BTNL8: variants seen among roughly 807,000 people sequenced by gnomAD.
BTNL8 encodes butyrophilin like 8, also known as butyrophilin-like protein 8.
BTNL8 carries 22 observed loss-of-function variants against 36.1 expected under a neutral mutation model. The ratio of observed to expected loss-of-function variants is 0.61; its 90% CI spans 0.44 to 0.87. The LOEUF is 0.87. Among genes scored for constraint, BTNL8 ranks in the 40% least tolerant of loss-of-function variants. The pLI is 0.00. For synonymous variants in BTNL8, 203 were observed against 235.6 expected (o/e 0.86, Z 1.27); for missense variants, 526 against 616.9 (o/e 0.85, Z 1.56).
Position 180,947,566 on chromosome 5 carries a change from T to C in BTNL8, c.728T>C (p.Leu243Pro). The change falls in exon 4 of 8, where the codon CTC becomes CCC. Residue 243 changes from leucine (L) to proline (P), a missense_variant. By Grantham distance (98) the Leu-to-Pro change is moderately conservative. Transcript: ENST00000340184. ...CTGGCTACCAAAGTACTGGGAATAC[T>C]CTGCTGTGGCCTATTTTTTGGCATT... is the stretch of plus-strand genomic sequence containing the variant. The part of the protein sequence containing the change: ...WHLATKVLGI[L>P]CCGLFFGIVG... 1 of 1,614,126 alleles carries C rather than the reference T, an allele frequency of 6.2e-7. No homozygotes were observed. The highest frequency in any genetic ancestry group is 8.5e-7 in the Non-Finnish European group (1 of 1,179,936).
chr5:180,902,690 A>T (rs1756885756), intron 1 of BTNL8, among the ~76,000 whole-genome samples: 1 of 101,280 alleles, frequency 9.9e-6, no homozygotes, highest in African/African-American at 3.4e-5. Flanking sequence ...CCTACCCCAC[A>T]ACGTCCCCAG....
chr5:180,908,784 G>T lies in BTNL8; in HGVS notation c.248G>T (p.Gly83Val), dbSNP rs573486977. Residue 83 changes from glycine to valine, a missense_variant, in exon 2 of 8, where the codon GGC becomes GTC. This residue lies in a region of BTNL8 where 350 missense variants were observed against 324.6 expected (regional missense o/e 1.08). Coordinates refer to ENST00000340184, the MANE Select transcript of BTNL8 (RefSeq NM_001040462.3). ...TTTATGCAGATGCCACAGTATCAAG[G>T]CAGGACAAAACTGGTGAAGGATTCT... is the stretch of plus-strand genomic sequence containing the variant. Reference protein sequence around the residue: ...QPFMQMPQYQGRTKLVKDSIA... With the variant: ...QPFMQMPQYQVRTKLVKDSIA... The T allele has an allele frequency of 6.2e-7, 1 of 1,614,174 alleles. No homozygotes were observed. Among genetic ancestry groups the T allele is most frequent in the African/African-American group, 1.3e-5 (1 of 75,032 alleles).
chr5:180,925,959 G>C (rs1758076420), intron 3 of BTNL8, among the ~76,000 whole-genome samples: 1 of 152,138 alleles, frequency 6.6e-6, no homozygotes, highest in South Asian at 2.1e-4. Flanking sequence ...GAATAAAATA[G>C]CCTGTTAAAA....
At position 180,935,499 on chromosome 5, in the gene BTNL8, C is replaced by T. The variant is rs6888439; in HGVS notation, c.674-12013C>T. Among the ~76,000 whole-genome samples, 68,331 of 152,074 alleles carry T rather than the reference C, an allele frequency of 0.45. 16,457 individuals are homozygous for T. The highest frequency in any genetic ancestry group is 0.63 in the African/African-American group (26,063 of 41,496). ...ATACCTGGCTGGGCACAACAGTGCC[C>T]GGACTCGGCTACAACTTTGCTTTGC... is the stretch of plus-strand genomic sequence containing the variant. On this transcript the variant is annotated intron_variant, in intron 3 of 7. Coordinates refer to ENST00000340184, the MANE Select transcript of BTNL8 (RefSeq NM_001040462.3). This position sits in a 1 kb window ranked among gnomAD's most constrained non-coding sequence, Gnocchi z 4.8.
chr5:180,917,665 C>T (rs187648301), intron 3 of BTNL8, among the ~76,000 whole-genome samples: 1 of 152,210 alleles, frequency 6.6e-6, no homozygotes, highest in Admixed American at 6.5e-5. Context: ...TCAAAATCCT[C>T]CCAACAAAGA....
At chr5:180,938,945 C>T (rs1404999051) in intron 3 of BTNL8, among the ~76,000 whole-genome samples, 1 of 151,904 alleles carries the variant, frequency 6.6e-6, no homozygotes, top group African/African-American at 2.4e-5. Context: ...ATCAGTCTTA[C>T]AAGAAATGCT....
chr5:180,919,379 A>C (rs768563481), intron 3 of BTNL8, among the ~76,000 whole-genome samples: 1 of 152,154 alleles, frequency 6.6e-6, no homozygotes, highest in Non-Finnish European at 1.5e-5. Context: ...TCTTGAGAAG[A>C]GGGGGTCCAT....
intron 1 of BTNL8, among the ~76,000 whole-genome samples, chr5:180,900,570 T>A (rs1756782724): frequency 6.6e-6 from 1 of 152,190 alleles, no homozygotes; most frequent in Non-Finnish European, 1.5e-5. Context: ...CTGAAAAATG[T>A]TTCCTTGCCT....
At chr5:180,916,783 C>T (rs945113467) in intron 3 of BTNL8, among the ~76,000 whole-genome samples, 5 of 152,186 alleles carry the variant, frequency 3.3e-5, no homozygotes, top group African/African-American at 4.8e-5. Context: ...TTTTTCATGT[C>T]TCAAATGGAA....
At position 180,930,045 on chromosome 5, in the gene BTNL8, A is replaced by T. The variant is rs187504362; in HGVS notation, c.674-17467A>T. Among the ~76,000 whole-genome samples, 380 of 152,342 alleles carry T rather than the reference A, an allele frequency of 2.5e-3. 2 individuals carry two copies. Among genetic ancestry groups the T allele is most frequent in the African/African-American group, 8.9e-3 (368 of 41,574 alleles). On this transcript the variant is annotated intron_variant, in intron 3 of 7. Coordinates refer to ENST00000340184, the MANE Select transcript of BTNL8 (RefSeq NM_001040462.3). Reference sequence around the variant, plus strand: ...AATTTCAGGCCAATATTCCTGATAAACATCAATGTGAAAATCCTCAATAAA... The same window carrying T: ...AATTTCAGGCCAATATTCCTGATAATCATCAATGTGAAAATCCTCAATAAA...
chr5:180,908,549 G>C (rs373591695), intron 1 of BTNL8, 37 bp from the exon 2 acceptor site: 14 of 1,600,644 alleles, frequency 8.7e-6, no homozygotes, highest in African/African-American at 4.0e-5. Flanking sequence ...CACTACAAAG[G>C]GTTTTGATGA....
At chr5:180,937,919 T>G (rs1271853652) in intron 3 of BTNL8, among the ~76,000 whole-genome samples, 1 of 127,716 alleles carries the variant, frequency 7.8e-6, no homozygotes, top group African/African-American at 3.0e-5. Context: ...ATGAAATACT[T>G]TTTAAAAGCC....
Position 180,950,592 on chromosome 5 carries a change from C to G in BTNL8, c.*48C>G, listed in dbSNP as rs1251970371. The G allele has an allele frequency of 6.9e-7, 1 of 1,439,796 alleles. No homozygotes were observed. Among genetic ancestry groups the G allele is most frequent in the Non-Finnish European group, 9.5e-7 (1 of 1,048,242 alleles). The allele number at this position is 1,439,796 out of a possible 1,614,324, so 89.2% of individuals were successfully genotyped here. ...TCTTTAGGGATATTAAGGTCTCTCT[C>G]CCAGATCCAAAGTCCCGCAGCAGCC... On this transcript the variant is annotated 3_prime_UTR_variant, in exon 8 of 8. Coordinates refer to ENST00000340184, the MANE Select transcript of BTNL8 (RefSeq NM_001040462.3).
intron 2 of BTNL8, 102 bp from the exon 3 acceptor site, chr5:180,911,235 AAG>A (rs893068298): frequency 1.3e-6 from 2 of 1,515,764 alleles, no homozygotes; most frequent in Non-Finnish European, 1.8e-6. Context: ...TTGTGTGTGT[AAG>A]AGAGAGAATG....
At chr5:180,907,661 C>T (rs9686655) in intron 1 of BTNL8, among the ~76,000 whole-genome samples, 56,804 of 149,290 alleles carry the variant, frequency 0.38, 12,193 homozygotes, top group African/African-American at 0.6. Context: ...GTTTTGTCTA[C>T]TTTTGGTCTT....
intron 1 of BTNL8, among the ~76,000 whole-genome samples, chr5:180,900,445 G>A (rs181468058): frequency 8.6e-4 from 131 of 152,308 alleles, no homozygotes; most frequent in Middle Eastern, 3.4e-3. Flanking sequence ...GCATGTTGCA[G>A]CAACAGTCTT....
intron 3 of BTNL8, among the ~76,000 whole-genome samples, chr5:180,939,619 G>T (rs978084959): frequency 1.3e-5 from 2 of 152,076 alleles, no homozygotes; most frequent in Non-Finnish European, 2.9e-5. Flanking sequence ...GTAATGTCTA[G>T]CTGAACTGTC....
At chr5:180,908,523 C>T in intron 1 of BTNL8, 63 bp from the exon 2 acceptor site, 1 of 1,530,862 alleles carries the variant, frequency 6.5e-7, no homozygotes, top group South Asian at 1.2e-5. Context: ...ATTCGGCCAT[C>T]TTGGCTCCTC....
In BTNL8 at chr5:180,908,914, C is replaced by T; in HGVS notation, c.378C>T (p.Ile126=). 4 of 1,613,202 alleles carry T rather than the reference C, an allele frequency of 2.5e-6. No homozygotes were observed. The highest frequency in any genetic ancestry group is 1.3e-5 in the African/African-American group (1 of 75,030). ...ISSQSYYQKA[I]WELQVSALGS... is the part of the protein sequence containing the mutation. The stretch of plus-strand genomic sequence containing the variant: ...CCCAGTCTTACTACCAGAAGGCCAT[C>T]TGGGAGCTACAGGTGTCAGGTCAGT... The change falls in exon 2 of 8, where the codon ATC becomes ATT. Residue 126 remains isoleucine, a synonymous_variant. Transcript: ENST00000340184.
Sources: allele counts gnomAD v4.1 joint callset (sites outside exome capture counted in the v4.1 genomes callset), GRCh38; gene constraint gnomAD v4.1.1; regional missense constraint gnomAD v4.1.1; non-coding constraint Gnocchi (gnomAD v3.1); transcripts MANE v1.5; gene names NCBI Gene and HGNC (gene_info 2026-07-23, HGNC 2026-07-21).